Variants in MID2 observed in about 807,000 individuals in gnomAD.
MID2 encodes the protein midline 2, also known as probable E3 ubiquitin-protein ligase MID2.
Under a neutral mutation model 46.1 loss-of-function variants are expected in MID2, and 13 were observed. That is an observed-to-expected ratio of 0.28 (90% CI 0.18 to 0.45). MID2 has a LOEUF of 0.45. Ranked by LOEUF, MID2 falls within the 20% of genes least tolerant of loss-of-function variation. MID2 has a pLI of 1.00. For missense variants in MID2, 431 were observed against 575.4 expected, an observed-to-expected ratio of 0.75 and a Z score of 2.57; for synonymous variants, 199 against 212.3, an observed-to-expected ratio of 0.94 and a Z score of 0.55.
chrX:107,848,051 A>C (rs1378498933), intron 2 of MID2, among the ~76,000 whole-genome samples: 1 of 111,336 alleles, frequency 9.0e-6, no homozygotes, highest in Non-Finnish European at 1.9e-5. Context: ...AAAGGGTTAA[A>C]ATTTAGGCTT....
At position 107,891,090 on chromosome X, in the gene MID2, C is replaced by T. The variant is rs945310630; in HGVS notation, c.817-12868C>T. 8.2e-5 allele frequency among the ~76,000 whole-genome samples: 9 copies of T among 109,911 alleles called. No homozygotes were observed. In the East Asian group the frequency reaches 8.6e-4, roughly 11 times the overall value. ...GGTGAGGCGATGCCTCACCCTGCTT[C>T]GGCTCACGCTCGGTGCGCTGCACCC... On this transcript the variant is annotated intron_variant, in intron 3 of 9. Transcript: ENST00000262843.
chrX:107,896,593 C>T (rs900575287), intron 3 of MID2, among the ~76,000 whole-genome samples: 2 of 112,214 alleles, frequency 1.8e-5, no homozygotes, highest in African/African-American at 3.2e-5. Context: ...GAGTAAAGTA[C>T]ATACAAAATA....
intron 3 of MID2, among the ~76,000 whole-genome samples, chrX:107,888,176 G>T (rs1218179178): frequency 9.0e-6 from 1 of 111,570 alleles, no homozygotes; most frequent in Non-Finnish European, 1.9e-5. Context: ...GCTTTTGAAT[G>T]TGTTTGCTCT....
Position 107,917,707 on chromosome X carries a change from T to C in MID2, c.1403T>C (p.Val468Ala). ...GAGATAAGGAAATGTAAGGAAGCAG[T>C]AAGCTGCTCAAGATTGGCCGGGGCG... ...WPEIRKCKEAVSCSRLAGAPR... is the reference protein window; with the variant it reads ...WPEIRKCKEAASCSRLAGAPR... The change falls in exon 7 of 10, where the codon GTA (valine) becomes GCA (alanine). Residue 468 changes from valine to alanine, a missense_variant. Coordinates refer to ENST00000262843, the MANE Select transcript of MID2 (RefSeq NM_012216.4). 1 of 1,212,141 alleles carries C rather than the reference T, an allele frequency of 8.2e-7. No homozygotes were observed. The highest frequency in any genetic ancestry group is 3.0e-5 in the East Asian group (1 of 33,876).
chrX:107,878,012 GAAAA>G (rs367576897), intron 3 of MID2, among the ~76,000 whole-genome samples: 1 of 96,335 alleles, frequency 1.0e-5, no homozygotes, highest in Non-Finnish European at 2.1e-5. Context: ...AAAAAGAAAG[GAAAA>G]AAAAAAAACA....
intron 3 of MID2, among the ~76,000 whole-genome samples, chrX:107,891,798 C>T (rs1167552856): frequency 9.0e-6 from 1 of 111,601 alleles, no homozygotes; most frequent in Non-Finnish European, 1.9e-5. Flanking sequence ...AGGCTCTTTC[C>T]TGGTACTTCC....
chrX:107,843,436 T>C (rs1207588590), intron 2 of MID2, among the ~76,000 whole-genome samples: 1 of 112,617 alleles, frequency 8.9e-6, no homozygotes, highest in Non-Finnish European at 1.9e-5. Context: ...AAGATATATT[T>C]TAGTCTGTGA....
intron 3 of MID2, among the ~76,000 whole-genome samples, chrX:107,887,889 T>C (rs1160706165): frequency 8.9e-6 from 1 of 112,527 alleles, no homozygotes; most frequent in Non-Finnish European, 1.9e-5. Context: ...CCATTTCTTC[T>C]AGATTTTCTA....
chrX:107,883,690 C>A (rs549602095), intron 3 of MID2, among the ~76,000 whole-genome samples: 2 of 112,157 alleles, frequency 1.8e-5, no homozygotes, highest in East Asian at 5.6e-4. Context: ...TCTCCCATGC[C>A]CAATTTATCT....
At chrX:107,895,960 A>C (rs914714767) in intron 3 of MID2, 4 of 112,466 alleles carry the variant, frequency 3.6e-5, no homozygotes, top group African/African-American at 9.7e-5. Flanking sequence ...CGAGATAGAA[A>C]GGAGGTTTCT....
At chrX:107,925,788 C>T (rs1228173253) in intron 8 of MID2, among the ~76,000 whole-genome samples, 1 of 111,306 alleles carries the variant, frequency 9.0e-6, no homozygotes, top group African/African-American at 3.3e-5. Flanking sequence ...ATTAGCTCCT[C>T]TTTGCTTGGA....
intron 1 of MID2, among the ~76,000 whole-genome samples, chrX:107,840,284 A>G (rs1230095515): frequency 1.8e-5 from 2 of 112,014 alleles, no homozygotes; most frequent in Non-Finnish European, 3.8e-5. Context: ...TGAAATAGAG[A>G]ACAATATTGG....
chrX:107,870,492 C>G (rs1467911182), intron 3 of MID2, among the ~76,000 whole-genome samples: 1 of 111,486 alleles, frequency 9.0e-6, no homozygotes, highest in Admixed American at 9.6e-5. Context: ...CCCTTCCAAT[C>G]TGGTCTAAAG....
intron 2 of MID2, among the ~76,000 whole-genome samples, chrX:107,845,840 G>C (rs1931459202): frequency 9.0e-6 from 1 of 110,660 alleles, no homozygotes; most frequent in Admixed American, 9.7e-5. Context: ...CTCAACTAAT[G>C]TACTAATGGG....
At chrX:107,884,941 C>G (rs1218401866) in intron 3 of MID2, among the ~76,000 whole-genome samples, 1 of 111,463 alleles carries the variant, frequency 9.0e-6, no homozygotes, top group African/African-American at 3.3e-5. Flanking sequence ...ACTTTCTAGG[C>G]CAAGCCATAA....
At chrX:107,917,286 A>G (rs1932987384) in intron 6 of MID2, among the ~76,000 whole-genome samples, 1 of 111,869 alleles carries the variant, frequency 8.9e-6, no homozygotes, top group South Asian at 3.8e-4. Flanking sequence ...ATTTAGGCTT[A>G]TATCTTTGCT....
chrX:107,854,373 T>A (rs1172543130), intron 2 of MID2, among the ~76,000 whole-genome samples: 1 of 112,566 alleles, frequency 8.9e-6, no homozygotes, highest in Admixed American at 9.4e-5. Flanking sequence ...TTAATGTCAA[T>A]AAATTCCTAC....
At chrX:107,911,546 A>G (rs2147868252) in intron 5 of MID2, among the ~76,000 whole-genome samples, 1 of 111,160 alleles carries the variant, frequency 9.0e-6, no homozygotes, top group Admixed American at 9.5e-5. Context: ...TCTTCTTGAG[A>G]ATATTGTCAT....
At chrX:107,846,259 A>G (rs1229920508) in intron 2 of MID2, among the ~76,000 whole-genome samples, 1 of 111,759 alleles carries the variant, frequency 8.9e-6, no homozygotes, top group African/African-American at 3.3e-5. Context: ...GTGGGTTACC[A>G]TAGGTGAGGG....
Sources: gnomAD v4.1 joint callset for allele counts (sites outside exome capture counted in the v4.1 genomes callset) on GRCh38, gnomAD v4.1.1 for gene constraint, MANE v1.5 for transcripts, NCBI Gene and HGNC (gene_info 2026-07-23, HGNC 2026-07-21) for gene names.